ZNF667: variants seen among roughly 807,000 people sequenced by gnomAD.
ZNF667 encodes the protein myocardial ischemic preconditioning upregulated 1 ortholog.
In ZNF667, 13 loss-of-function variants were observed where a neutral mutation model predicts 31.8. That is an observed-to-expected ratio of 0.41 (90% CI 0.27 to 0.65). The LOEUF is 0.65. ZNF667 is among the 30% of genes least tolerant of loss of function. The probability of loss-of-function intolerance (pLI) is 0.32; values close to 1 mark genes in which losing one functional copy is unlikely to be tolerated. For missense variants in ZNF667, 642 were observed against 725.6 expected, an observed-to-expected ratio of 0.88 and a Z score of 1.32; for synonymous variants, 228 against 247.1, an observed-to-expected ratio of 0.92 and a Z score of 0.73.
chr19:56,459,688 A>G (rs544134254), intron 5 of ZNF667, among the ~76,000 whole-genome samples: 1 of 149,458 alleles, frequency 6.7e-6, no homozygotes, highest in East Asian at 1.9e-4. Flanking sequence ...TCTTAAATCA[A>G]TTCCTTAAAT....
At chr19:56,452,493 A>G (rs997788393) in intron 6 of ZNF667, among the ~76,000 whole-genome samples, 4 of 152,246 alleles carry the variant, frequency 2.6e-5, no homozygotes, top group Non-Finnish European at 5.9e-5. Flanking sequence ...TACACCAAAA[A>G]AGTAAAAAAC....
chr19:56,440,978 T>A lies in ZNF667; in HGVS notation c.*184A>T. 1 of 1,412,838 alleles carries A rather than the reference T, an allele frequency of 7.1e-7. No individual in the cohort carries two copies. Among genetic ancestry groups the A allele is most frequent in the Non-Finnish European group, 9.2e-7 (1 of 1,088,100 alleles). The allele number at this position is 1,412,838 out of a possible 1,614,324, so 87.5% of individuals were successfully genotyped here. The stretch of plus-strand genomic sequence containing the variant: ...CATTCACAATGACTGACCAAACTTC[T>A]GAGTTTCCTTCAGTTAATTTCAAAT... On this transcript the variant is annotated 3_prime_UTR_variant, in exon 7 of 7. Coordinates refer to ENST00000504904, the MANE Select transcript of ZNF667 (RefSeq NM_001321356.2).
chr19:56,441,581 G>A lies in ZNF667; in HGVS notation c.1414C>T (p.Gln472Ter). The A allele has an allele frequency of 6.2e-7, 1 of 1,614,118 alleles. No individual in the cohort carries two copies. The highest frequency in any genetic ancestry group is 1.1e-5 in the South Asian group (1 of 91,082). ...AAGGCTTTTCCACATTCCTCACACT[G>A]GTAGGGTTTTTCTCCAGTATGAATT... Reference protein sequence around the residue: ...QRIHTGEKPYQCEECGKAFSH... With the variant: ...QRIHTGEKPY Residue 472 changes from glutamine to a stop codon, truncating the protein, a stop_gained, in exon 7 of 7, where the codon CAG (glutamine) becomes TAG (stop). Transcript: ENST00000504904. LOFTEE classifies it high-confidence loss of function. The surrounding 1 kb of genome is among the most constrained non-coding windows in gnomAD (Gnocchi z 4.2).
chr19:56,452,413 T>C (rs1172727904), intron 6 of ZNF667, among the ~76,000 whole-genome samples: 2 of 151,906 alleles, frequency 1.3e-5, no homozygotes, highest in Non-Finnish European at 2.9e-5. Context: ...AAACACAACA[T>C]ATGAAAACAT....
chr19:56,463,565 T>A (rs925227380), intron 3 of ZNF667, among the ~76,000 whole-genome samples: 21 of 152,268 alleles, frequency 1.4e-4, no homozygotes, highest in Non-Finnish European at 1.9e-4. Context: ...TCTTGCTCTG[T>A]TGCCCAGGCG....
intron 3 of ZNF667, chr19:56,466,962 C>T (rs1457436764): frequency 2.2e-6 from 1 of 455,306 alleles, no homozygotes; most frequent in Non-Finnish European, 4.4e-6. Context: ...AATAAACTTG[C>T]TTCTTTCACT....
At chr19:56,474,565 G>C (rs189031154) in intron 1 of ZNF667, 3 of 152,476 alleles carry the variant, frequency 2.0e-5, no homozygotes, top group Admixed American at 2.0e-4. Context: ...CCTACTGCAG[G>C]GAAGTGCAGC....
At chr19:56,463,115 T>C (rs908966413) in intron 3 of ZNF667, among the ~76,000 whole-genome samples, 2 of 151,630 alleles carry the variant, frequency 1.3e-5, no homozygotes, top group African/African-American at 4.8e-5. Context: ...GGCCGGATCA[T>C]GAAAGGGGTG....
chr19:56,448,092 A>G (rs1568838904), intron 6 of ZNF667, among the ~76,000 whole-genome samples: 1 of 152,136 alleles, frequency 6.6e-6, no homozygotes, highest in Non-Finnish European at 1.5e-5. Flanking sequence ...AGGGTAGAAA[A>G]GACAGTCATC....
In ZNF667 at chr19:56,440,005, C is replaced by T. The variant is rs7248278; in HGVS notation, c.*1157G>A. The T allele has an allele frequency of 0.55, 83,261 of 151,914 alleles. 23,328 individuals carry two copies. Among genetic ancestry groups the T allele is most frequent in the East Asian group, 0.88 (4,548 of 5,160 alleles). The allele number at this position is 151,914 out of a possible 1,614,324, so 9.4% of individuals were successfully genotyped here. On this transcript the variant is annotated 3_prime_UTR_variant, in exon 7 of 7. Transcript: ENST00000504904. ...ACTAATCCCATCACGAGGGCTCCACCCTCATGACCTCATCTAATCCTAATT... is the reference window on the plus strand; with the variant it reads ...ACTAATCCCATCACGAGGGCTCCACTCTCATGACCTCATCTAATCCTAATT...
At chr19:56,453,529 A>G (rs2042876006) in intron 6 of ZNF667, among the ~76,000 whole-genome samples, 1 of 152,250 alleles carries the variant, frequency 6.6e-6, no homozygotes. Flanking sequence ...GAATGCCTGG[A>G]TGCTTTGATA....
intron 6 of ZNF667, among the ~76,000 whole-genome samples, chr19:56,448,638 T>TG (rs2042755473): frequency 6.7e-6 from 1 of 148,798 alleles, no homozygotes; most frequent in Non-Finnish European, 1.5e-5. Flanking sequence ...TCAACCACAG[T>TG]AAAAAAAAAA....
At chr19:56,448,892 C>A (rs1300731131) in intron 6 of ZNF667, among the ~76,000 whole-genome samples, 1 of 152,084 alleles carries the variant, frequency 6.6e-6, no homozygotes, top group Non-Finnish European at 1.5e-5. Flanking sequence ...AGACCCAGCA[C>A]AGTCCCAGTG....
At position 56,458,242 on chromosome 19, in the gene ZNF667, A is replaced by G. The variant is rs1371055237; in HGVS notation, c.166T>C (p.Ser56Pro). 2.5e-6 allele frequency: 4 copies of G among 1,613,890 alleles called. No homozygotes were observed. The highest frequency in any genetic ancestry group is 1.7e-5 in the Admixed American group (1 of 60,012). Residue 56 changes from serine (S) to proline (P), a missense_variant, in exon 6 of 7, where the codon TCC (serine) becomes CCC (proline). Ser to Pro is a moderately conservative substitution (Grantham distance 74, BLOSUM62 -1). Transcript: ENST00000504904. Reference sequence around the variant, plus strand: ...GTGATCACATTTGGTCTCCGAAAGGAAAGACCTGTACGTGGGACAAACATG... The same window carrying G: ...GTGATCACATTTGGTCTCCGAAAGGGAAGACCTGTACGTGGGACAAACATG... ...NYRNLVSLGLSFRRPNVITLL... is the reference protein window; with the variant it reads ...NYRNLVSLGLPFRRPNVITLL...
intron 5 of ZNF667, among the ~76,000 whole-genome samples, chr19:56,459,502 G>A (rs866857952): frequency 3.9e-5 from 6 of 152,246 alleles, no homozygotes; most frequent in Middle Eastern, 6.8e-3. Context: ...AAACCAGGCA[G>A]CACACTGCCC....
At position 56,451,028 on chromosome 19, in the gene ZNF667, G is replaced by C. The variant is rs144617999; in HGVS notation, c.253+7127C>G. Among the ~76,000 whole-genome samples the C allele has an allele frequency of 2.0e-3, 303 of 152,158 alleles. 1 individual carries two copies. The highest frequency in any genetic ancestry group is 6.8e-3 in the African/African-American group (282 of 41,522). ...ACATGGACTAAATCTCCAGTCAAAA[G>C]CCACAGAGTGGCTGGATGAATTTTT... On this transcript the variant is annotated intron_variant, in intron 6 of 6. Transcript: ENST00000504904.
At chr19:56,461,263 T>G (rs2043039389) in intron 4 of ZNF667, among the ~76,000 whole-genome samples, 2 of 152,176 alleles carry the variant, frequency 1.3e-5, no homozygotes, top group Non-Finnish European at 2.9e-5. Flanking sequence ...AGCTCCTGAT[T>G]TAATCTCCTA....
In ZNF667 at chr19:56,441,539, G is replaced by A; in HGVS notation, c.1456C>T (p.Leu486Phe). 3.1e-6 allele frequency: 5 copies of A among 1,614,212 alleles called. No individual in the cohort carries two copies. Among genetic ancestry groups the A allele is most frequent in the Non-Finnish European group, 4.2e-6 (5 of 1,180,040 alleles). ...GTATGAATTCTCTTATGTCGTGTGA[G>A]AGATATTCGGTGGCTGAAGGCTTTT... ...CGKAFSHRIS[L>F]TRHKRIHTED... The change falls in exon 7 of 7, where the codon CTC becomes TTC. Residue 486 changes from leucine to phenylalanine, a missense_variant. By Grantham distance (22) the Leu-to-Phe change is conservative (BLOSUM62 0). Coordinates refer to ENST00000504904, the MANE Select transcript of ZNF667 (RefSeq NM_001321356.2). This position sits in a 1 kb window ranked among gnomAD's most constrained non-coding sequence, Gnocchi z 4.2.
chr19:56,464,421 G>A (rs1029413787), intron 3 of ZNF667, among the ~76,000 whole-genome samples: 8 of 152,164 alleles, frequency 5.3e-5, no homozygotes, highest in African/African-American at 1.9e-4. Context: ...TTGAGCCTGG[G>A]AGGCAGAGGT....
Sources: gnomAD v4.1 joint callset for allele counts (sites outside exome capture counted in the v4.1 genomes callset) on GRCh38, gnomAD v4.1.1 for gene constraint, Gnocchi (gnomAD v3.1) non-coding constraint, MANE v1.5 for transcripts, NCBI Gene and HGNC (gene_info 2026-07-23, HGNC 2026-07-21) for gene names.